RORA: variants seen among roughly 807,000 people sequenced by gnomAD.
The protein encoded by RORA is RAR related orphan receptor A.
A neutral mutation model predicts 69.5 loss-of-function variants in RORA; 7 were observed. That is an observed-to-expected ratio of 0.10 (90% CI 0.06 to 0.19). RORA has a LOEUF of 0.19. Ranked by LOEUF, RORA falls within the 10% of genes least tolerant of loss-of-function variation. The pLI is 1.00. For missense variants in RORA, 457 were observed against 663.0 expected, an observed-to-expected ratio of 0.69 and a Z score of 3.41; for synonymous variants, 261 against 240.8, an observed-to-expected ratio of 1.08 and a Z score of -0.78.
At chr15:60,698,187 G>A (rs146593022) in intron 1 of RORA, among the ~76,000 whole-genome samples, 212 of 152,242 alleles carry the variant, frequency 1.4e-3, no homozygotes, top group Non-Finnish European at 2.5e-3. Context: ...TTCCAGGAGC[G>A]TCAGTAGCTA....
At chr15:61,159,693 T>C (rs2079477418) in intron 1 of RORA, among the ~76,000 whole-genome samples, 1 of 152,236 alleles carries the variant, frequency 6.6e-6, no homozygotes, top group Non-Finnish European at 1.5e-5. Flanking sequence ...AATGTACCTT[T>C]GCGGCAATCA....
intron 1 of RORA, among the ~76,000 whole-genome samples, chr15:61,001,512 A>T (rs561044747): frequency 6.6e-6 from 1 of 152,234 alleles, no homozygotes; most frequent in Non-Finnish European, 1.5e-5. Flanking sequence ...GGCATTTATT[A>T]TATCTACCAC....
chr15:60,526,044 A>G (rs1376326589), intron 3 of RORA, among the ~76,000 whole-genome samples: 4 of 152,204 alleles, frequency 2.6e-5, no homozygotes, highest in African/African-American at 4.8e-5. Context: ...CAGAAATAAG[A>G]GTCCTCAAAG....
At chr15:60,677,574 T>C (rs1183500520) in intron 2 of RORA, among the ~76,000 whole-genome samples, 4 of 141,718 alleles carry the variant, frequency 2.8e-5, no homozygotes, top group Non-Finnish European at 6.2e-5. Flanking sequence ...CGTTTTTTGG[T>C]TTTTTCTTTT....
intron 1 of RORA, among the ~76,000 whole-genome samples, chr15:60,857,966 GGACTCTGAGATCGGTCAC>G (rs1351270396): frequency 1.3e-5 from 2 of 152,198 alleles, no homozygotes; most frequent in East Asian, 3.8e-4. Context: ...GTAAGAGTGA[GGACTCTGAGATCGGTCAC>G]ACTGGGGTTT....
chr15:61,035,641 G>T (rs930287116), intron 1 of RORA, among the ~76,000 whole-genome samples: 3 of 152,122 alleles, frequency 2.0e-5, no homozygotes, highest in African/African-American at 7.2e-5. Context: ...GCCCCGGCAG[G>T]TAAGCTGAAT....
At chr15:61,050,010 G>A (rs927702759) in intron 1 of RORA, among the ~76,000 whole-genome samples, 2 of 152,106 alleles carry the variant, frequency 1.3e-5, no homozygotes, top group Non-Finnish European at 2.9e-5. Flanking sequence ...ATGGTAATGA[G>A]TGCTGTGCAG....
intron 1 of RORA, among the ~76,000 whole-genome samples, chr15:60,730,394 T>C (rs1453890276): frequency 6.6e-6 from 1 of 152,246 alleles, no homozygotes; most frequent in African/African-American, 2.4e-5. Flanking sequence ...TGATTTCTTT[T>C]GTGGTTGTCT....
rs796500717 is a variant in RORA at position 60,956,234 on chromosome 15, G to GT, written c.166+272818dup. Among the ~76,000 whole-genome samples the GT allele has an allele frequency of 1.6e-3, 239 of 148,472 alleles. 1 individual carries two copies. Among genetic ancestry groups the GT allele is most frequent in the South Asian group, 6.0e-3 (28 of 4,662 alleles). On this transcript the variant is annotated intron_variant, in intron 1 of 10. Coordinates refer to ENST00000335670, the MANE Select transcript of RORA (RefSeq NM_134261.3). Reference sequence around the variant, plus strand: ...AAACAAATTATTATTACAATGACTTGTTTTTTTTTTCCACTGGGCAGTAAT... The same window carrying GT: ...AAACAAATTATTATTACAATGACTTGTTTTTTTTTTTCCACTGGGCAGTAAT...
intron 3 of RORA, among the ~76,000 whole-genome samples, chr15:60,526,098 G>A (rs1020568380): frequency 6.6e-6 from 1 of 152,182 alleles, no homozygotes. Flanking sequence ...AGAGCAGGCG[G>A]CCTCATTCAC....
chr15:60,558,080 A>G, intron 2 of RORA: 1 of 473,674 alleles, frequency 2.1e-6, no homozygotes. Flanking sequence ...AGAATTAAAT[A>G]TGGGTGATGT....
intron 1 of RORA, among the ~76,000 whole-genome samples, chr15:60,923,586 TA>T (rs1892114282): frequency 6.6e-6 from 1 of 152,222 alleles, no homozygotes; most frequent in African/African-American, 2.4e-5. Context: ...CAAGTCTTTT[TA>T]AAAAAGGCAC....
intron 2 of RORA, among the ~76,000 whole-genome samples, chr15:60,633,061 T>G (rs1050377107): frequency 1.3e-5 from 2 of 152,246 alleles, no homozygotes; most frequent in Admixed American, 6.5e-5. Flanking sequence ...TCTTTATTTC[T>G]TAAATAAAGT....
chr15:60,964,309 G>T (rs905314040), intron 1 of RORA, among the ~76,000 whole-genome samples: 2 of 152,200 alleles, frequency 1.3e-5, no homozygotes, highest in African/African-American at 4.8e-5. Flanking sequence ...ATACCCCTGG[G>T]TAGCCCATTT....
chr15:61,229,193 T>C lies in RORA; in HGVS notation c.26A>G (p.Asp9Gly). The change falls in exon 1 of 11, where the codon GAC becomes GGC. Residue 9 changes from aspartate to glycine, a missense_variant. Around this residue, in one of 3 missense-constraint regions of RORA, gnomAD observed 119 missense variants for 92.4 expected, o/e 1.29. Transcript: ENST00000335670. ...GCTGCCTGGCTCGCTGGCGGCGGGG[T>C]CGGGGGCTGCCGGAGCTGACTCCAT... MESAPAAP[D>G]PAASEPGSSG... 6.6e-7 allele frequency: 1 copy of C among 1,520,762 alleles called. No individual in the cohort carries two copies. Among genetic ancestry groups the C allele is most frequent in the Non-Finnish European group, 8.8e-7 (1 of 1,137,400 alleles). 94.2% of individuals were successfully genotyped at this position (1,520,762 alleles called of 1,614,324 possible).
intron 1 of RORA, among the ~76,000 whole-genome samples, chr15:60,994,404 ATTGT>A (rs1301291958): frequency 4.6e-5 from 7 of 152,166 alleles, no homozygotes; most frequent in African/African-American, 1.7e-4. Context: ...AACGTAACCA[ATTGT>A]TTGTGTAAAT....
chr15:60,887,141 T>TGAGA (rs3053903), intron 1 of RORA, among the ~76,000 whole-genome samples: 58 of 147,912 alleles, frequency 3.9e-4, no homozygotes, highest in African/African-American at 1.1e-3. Flanking sequence ...TTGCCAGAGC[T>TGAGA]GAGAGAGAGA....
intron 1 of RORA, among the ~76,000 whole-genome samples, chr15:61,173,971 G>A (rs1020498042): frequency 1.3e-5 from 2 of 152,204 alleles, no homozygotes; most frequent in Non-Finnish European, 2.9e-5. Flanking sequence ...AGGGGCCTGG[G>A]AATCTGTGCT....
chr15:60,920,114 C>T (rs1041515916), intron 1 of RORA, among the ~76,000 whole-genome samples: 1 of 152,174 alleles, frequency 6.6e-6, no homozygotes, highest in South Asian at 2.1e-4. Context: ...GCAGCACTAT[C>T]TCACCCCACT....
Sources: gnomAD v4.1 joint callset for allele counts (sites outside exome capture counted in the v4.1 genomes callset) on GRCh38, gnomAD v4.1.1 for gene constraint, gnomAD v4.1.1 regional missense constraint, MANE v1.5 for transcripts, NCBI Gene and HGNC (gene_info 2026-07-23, HGNC 2026-07-21) for gene names.